The following CHST4 variants were observed in gnomAD, a reference collection of about 807,000 sequenced individuals.
CHST4 encodes the protein GST-3.
For missense variants in CHST4, 466 were observed against 506.0 expected (o/e 0.92, Z 0.76); for synonymous variants, 171 against 195.5 (o/e 0.87, Z 1.05).
chr16:71,538,092 A>G lies in CHST4; in HGVS notation c.*254A>G. 1.9e-6 allele frequency: 1 copy of G among 516,572 alleles called. No individual in the cohort carries two copies. 32.0% of individuals were successfully genotyped at this position (516,572 alleles called of 1,614,324 possible). ...GGGTATTGCTCTTCTTCTTTTCTTG[A>G]TCTTCCTGTCTGGGCAGACTTCAGA... On this transcript the variant is annotated 3_prime_UTR_variant, in exon 2 of 2. Coordinates refer to ENST00000539698, the MANE Select transcript of CHST4 (RefSeq NM_001166395.2).
intron 1 of CHST4, among the ~76,000 whole-genome samples, chr16:71,534,136 C>G (rs1253096356): frequency 6.6e-6 from 1 of 151,948 alleles, no homozygotes; most frequent in Admixed American, 6.5e-5. Context: ...ACTCCTTTCC[C>G]TCCTGCATAC....
chr16:71,527,664 C>T (rs1424810569), intron 1 of CHST4, among the ~76,000 whole-genome samples: 2 of 152,042 alleles, frequency 1.3e-5, no homozygotes, highest in African/African-American at 4.8e-5. Flanking sequence ...GCAGGAGAAT[C>T]GCTTGAAACC....
chr16:71,533,901 G>A (rs1038604469), intron 1 of CHST4, among the ~76,000 whole-genome samples: 1 of 151,962 alleles, frequency 6.6e-6, no homozygotes, highest in Non-Finnish European at 1.5e-5. Context: ...AATTAGCTGA[G>A]CCTGGTGGCA....
At chr16:71,530,314 G>A (rs1024962816) in intron 1 of CHST4, among the ~76,000 whole-genome samples, 2 of 152,064 alleles carry the variant, frequency 1.3e-5, no homozygotes, top group Non-Finnish European at 2.9e-5. Flanking sequence ...ACTGAAAGTC[G>A]GGAGCCTAAG....
intron 1 of CHST4, among the ~76,000 whole-genome samples, chr16:71,530,993 A>G (rs2043944453): frequency 6.6e-6 from 1 of 152,164 alleles, no homozygotes; most frequent in Non-Finnish European, 1.5e-5. Flanking sequence ...AGGCACAGGA[A>G]TCACTTGAAC....
chr16:71,534,348 C>CTTTTTTTTTTTTTTTTTTTTTTTTT (rs548597955), intron 1 of CHST4, among the ~76,000 whole-genome samples: 2 of 123,408 alleles, frequency 1.6e-5, no homozygotes, highest in Non-Finnish European at 1.7e-5. Flanking sequence ...ACATTTCTTT[C>CTTTTTTTTTTTTTTTTTTTTTTTTT]TTTTTTTTTT....
Position 71,537,277 on chromosome 16 carries a change from C to T in CHST4, c.600C>T (p.Ile200=), listed in dbSNP as rs752000094. The T allele has an allele frequency of 8.6e-5, 139 of 1,614,050 alleles. 1 individual carries two copies. The highest frequency in any genetic ancestry group is 1.6e-4 in the Middle Eastern group (1 of 6,084). ...LLKDPSLNLH[I]VHLVRDPRAV... is the part of the protein sequence containing the mutation. ...AAGACCCCTCCCTCAACCTGCATAT[C>T]GTGCACCTGGTCCGGGACCCCCGGG... Residue 200 remains isoleucine (I), a synonymous_variant, in exon 2 of 2, where the codon ATC becomes ATT. Transcript: ENST00000539698. This position sits in a 1 kb window ranked among gnomAD's most constrained non-coding sequence, Gnocchi z 4.2.
chr16:71,537,804 T>C lies in CHST4; in HGVS notation c.1127T>C (p.Leu376Pro). The change falls in exon 2 of 2, where the codon CTG becomes CCG. Residue 376 changes from leucine (L) to proline (P), a missense_variant. Coordinates refer to ENST00000539698, the MANE Select transcript of CHST4 (RefSeq NM_001166395.2). This position sits in a 1 kb window ranked among gnomAD's most constrained non-coding sequence, Gnocchi z 4.2. ...CAGAGAAACCTGTTGCTGGATCTTC[T>C]GTCTACCTGGACTGTCCCTGAGCAA... Reference protein sequence around the residue: ...QEQRNLLLDLLSTWTVPEQIH With the variant: ...QEQRNLLLDLPSTWTVPEQIH 6.2e-7 allele frequency: 1 copy of C among 1,613,938 alleles called. No individual in the cohort carries two copies. Among genetic ancestry groups the C allele is most frequent in the South Asian group, 1.1e-5 (1 of 91,062 alleles).
intron 1 of CHST4, among the ~76,000 whole-genome samples, chr16:71,527,491 A>G (rs1286995367): frequency 1.3e-5 from 2 of 152,166 alleles, no homozygotes; most frequent in Admixed American, 1.3e-4. Flanking sequence ...TCGCGCCTGT[A>G]ATCCCAGCAC....
chr16:71,528,457 A>T (rs1028074163), intron 1 of CHST4, among the ~76,000 whole-genome samples: 2 of 151,982 alleles, frequency 1.3e-5, no homozygotes, highest in African/African-American at 4.8e-5. Flanking sequence ...TGTGCCATGC[A>T]CTGTCCTTGG....
In CHST4 at chr16:71,537,401, C is replaced by T. The variant is rs774643793; in HGVS notation, c.724C>T (p.Pro242Ser). The change falls in exon 2 of 2, where the codon CCC becomes TCC. Residue 242 changes from proline to serine, a missense_variant. Physicochemically the swap from Pro to Ser is moderately conservative, Grantham distance 74 (BLOSUM62 -1). Coordinates refer to ENST00000539698, the MANE Select transcript of CHST4 (RefSeq NM_001166395.2). This position sits in a 1 kb window ranked among gnomAD's most constrained non-coding sequence, Gnocchi z 4.2. ...GCAAAAACTCAAGAAGGAGGACCAA[C>T]CCTACTATGTGATGCAGGTCATCTG... is the stretch of plus-strand genomic sequence containing the variant. ...HEQKLKKEDQ[P>S]YYVMQVICQS... 1.9e-6 allele frequency: 3 copies of T among 1,614,052 alleles called. No homozygotes were observed. The African/African-American group carries it at 4.0e-5, about 22-fold the overall frequency.
chr16:71,528,991 G>A (rs9938349), intron 1 of CHST4, among the ~76,000 whole-genome samples: 1 of 151,784 alleles, frequency 6.6e-6, no homozygotes. Flanking sequence ...TGTCCTTTGT[G>A]TTTTAAGATG....
rs201107063 is a variant in CHST4, at chr16:71,536,831, C to T, written c.154C>T (p.Arg52Cys). ...GCACGTGCTGGTTCTGTCTTCCTGG[C>T]GCTCTGGCTCTTCTTTTGTGGGGCA... Reference protein sequence around the residue: ...RMHVLVLSSWRSGSSFVGQLF... With the variant: ...RMHVLVLSSWCSGSSFVGQLF... Residue 52 changes from arginine to cysteine, a missense_variant, in exon 2 of 2, where the codon CGC becomes TGC. Coordinates refer to ENST00000539698, the MANE Select transcript of CHST4 (RefSeq NM_001166395.2). 1.2e-5 allele frequency: 18 copies of T among 1,540,614 alleles called. No individual in the cohort carries two copies. Among genetic ancestry groups the T allele is most frequent in the East Asian group, 1.1e-4 (5 of 44,228 alleles).
In CHST4 at chr16:71,536,698, G is replaced by A; in HGVS notation, c.21G>A (p.Met7Ile). 6.7e-7 allele frequency: 1 copy of A among 1,491,002 alleles called. No homozygotes were observed. The highest frequency in any genetic ancestry group is 8.9e-7 in the Non-Finnish European group (1 of 1,121,874). 92.4% of individuals were successfully genotyped at this position (1,491,002 alleles called of 1,614,324 possible). The change falls in exon 2 of 2, where the codon ATG becomes ATA. Residue 7 changes from methionine to isoleucine, a missense_variant. Transcript: ENST00000539698. Reference sequence around the variant, plus strand: ...GCACAATGCTACTGCCTAAAAAAATGAAGCTCCTGCTGTTTCTGGTTTCCC... The same window carrying A: ...GCACAATGCTACTGCCTAAAAAAATAAAGCTCCTGCTGTTTCTGGTTTCCC... MLLPKK[M>I]KLLLFLVSQM...
chr16:71,532,079 G>A (rs2043952482), intron 1 of CHST4, among the ~76,000 whole-genome samples: 1 of 133,504 alleles, frequency 7.5e-6, no homozygotes, highest in African/African-American at 2.9e-5. Context: ...ATGGAGTCTC[G>A]CTCTGTCGCC....
intron 1 of CHST4, among the ~76,000 whole-genome samples, chr16:71,530,052 C>A (rs1291052861): frequency 6.6e-6 from 1 of 151,914 alleles, no homozygotes; most frequent in African/African-American, 2.4e-5. Context: ...GCAGGAGAAT[C>A]GCTTGAATCT....
At position 71,536,545 on chromosome 16, in the gene CHST4, T is replaced by G. The variant is rs530326096; in HGVS notation, c.-18-115T>G. 164 of 614,668 alleles carry G rather than the reference T, an allele frequency of 2.7e-4. No homozygotes were observed. The African/African-American group carries it at 2.7e-3, about 10-fold the overall frequency. 38.1% of individuals were successfully genotyped at this position (614,668 alleles called of 1,614,324 possible). A position where few individuals can be genotyped will look rare whatever the true frequency, so the allele number is the denominator to read the frequency against. ...ATTGTTGGCACGAATCCTCTGGCTT[T>G]CCATGTTGCTCCTTGGTAGGGGGTC... On this transcript the variant is annotated intron_variant, in intron 1 of 1. Transcript: ENST00000539698.
intron 1 of CHST4, among the ~76,000 whole-genome samples, chr16:71,533,870 C>T (rs965014070): frequency 2.6e-5 from 4 of 151,506 alleles, no homozygotes; most frequent in African/African-American, 9.7e-5. Flanking sequence ...GGTGAAGCCC[C>T]ATCTCTACTA....
At chr16:71,532,612 G>C (rs958441140) in intron 1 of CHST4, among the ~76,000 whole-genome samples, 4 of 152,178 alleles carry the variant, frequency 2.6e-5, no homozygotes, top group Admixed American at 6.5e-5. Context: ...CCACGAGCTG[G>C]CAAAGCATGC....
Sources: allele counts gnomAD v4.1 joint callset (sites outside exome capture counted in the v4.1 genomes callset), GRCh38; gene constraint gnomAD v4.1.1; non-coding constraint Gnocchi (gnomAD v3.1); transcripts MANE v1.5; gene names NCBI Gene and HGNC (gene_info 2026-07-23, HGNC 2026-07-21).